SPATA22: variants seen among roughly 807,000 people sequenced by gnomAD.
The protein encoded by SPATA22 is spermatogenesis-associated protein 22.
Under a neutral mutation model 47.8 loss-of-function variants are expected in SPATA22, and 29 were observed. That is an observed-to-expected ratio of 0.61 (90% CI 0.45 to 0.83). The LOEUF (loss-of-function observed/expected upper bound fraction) is 0.83, where lower values mean the gene tolerates loss of function less well. Ranked by LOEUF, SPATA22 falls within the 40% of genes least tolerant of loss-of-function variation. The pLI is 0.00. For missense variants in SPATA22, 410 were observed against 421.7 expected (o/e 0.97, Z 0.24); for synonymous variants, 133 against 140.9 (o/e 0.94, Z 0.40).
At chr17:3,484,203 T>G (rs993925344) in intron 1 of SPATA22, among the ~76,000 whole-genome samples, 3 of 152,194 alleles carry the variant, frequency 2.0e-5, no homozygotes, top group African/African-American at 7.2e-5. Flanking sequence ...GAACTTTCCC[T>G]GACCCTCCTC....
chr17:3,480,628 C>T (rs563295684), intron 1 of SPATA22, among the ~76,000 whole-genome samples: 1 of 152,282 alleles, frequency 6.6e-6, no homozygotes, highest in South Asian at 2.1e-4. Flanking sequence ...CAGAATCTTG[C>T]GGCCCTCCAG....
At chr17:3,471,961 C>T (rs2073448997), upstream of SPATA22, 1 of 655,526 alleles carries the variant, frequency 1.5e-6, no homozygotes, top group East Asian at 1.4e-4. Context: ...ACTGTGGACC[C>T]AGGGATGGCT....
At chr17:3,462,791 A>G (rs546207254) in intron 3 of SPATA22, 24 bp from the exon 4 acceptor site, 38 of 1,553,616 alleles carry the variant, frequency 2.4e-5, no homozygotes, top group Admixed American at 2.0e-4. Flanking sequence ...AGTAACATAG[A>G]TAAAAGTAAG....
At chr17:3,472,933 GGAA>G (rs932771850), upstream of SPATA22, among the ~76,000 whole-genome samples, 2 of 152,102 alleles carry the variant, frequency 1.3e-5, no homozygotes, top group South Asian at 2.1e-4. Flanking sequence ...TTTTATTTTG[GGAA>G]GAAGAAGACT....
At chr17:3,466,700 AT>A (rs1422751472) in intron 3 of SPATA22, among the ~76,000 whole-genome samples, 1 of 152,224 alleles carries the variant, frequency 6.6e-6, no homozygotes, top group East Asian at 1.9e-4. Flanking sequence ...AATATGATAA[AT>A]GTATTTCTCA....
At chr17:3,448,699 T>C (rs1357292593) in intron 6 of SPATA22, 108 bp downstream of exon 6, 1 of 753,584 alleles carries the variant, frequency 1.3e-6, no homozygotes, top group Admixed American at 3.2e-5. Flanking sequence ...TCAAGTAATG[T>C]ATGTCATGGA....
At chr17:3,444,747 C>T (rs748466883) in intron 7 of SPATA22, among the ~76,000 whole-genome samples, 7 of 152,026 alleles carry the variant, frequency 4.6e-5, no homozygotes, top group Admixed American at 6.6e-5. Flanking sequence ...TTAAAATCCA[C>T]TAAAGTTGTT....
At chr17:3,450,917 C>G (rs568011679) in intron 5 of SPATA22, among the ~76,000 whole-genome samples, 113 of 152,294 alleles carry the variant, frequency 7.4e-4, no homozygotes, top group African/African-American at 2.6e-3. Context: ...AATCGACTTG[C>G]TCAATGCAGG....
At chr17:3,478,194 A>ATAT (rs1336526615) in intron 1 of SPATA22, among the ~76,000 whole-genome samples, 4 of 150,990 alleles carry the variant, frequency 2.6e-5, no homozygotes, top group African/African-American at 7.3e-5. Context: ...CAAAAAAAAA[A>ATAT]ATATATATAT....
rs2073669033 is a variant in SPATA22, at chr17:3,483,500, C to G, written c.-73-14102G>C. 1.9e-6 allele frequency: 3 copies of G among 1,613,750 alleles called. No homozygotes were observed. In the African/African-American group the frequency reaches 4.0e-5, roughly 22 times the overall value. ...AAAGACGTTTTTGATTTTTTTCAGA[C>G]TTCTCTGGCTCCACTACCCTGCTAC... is the stretch of plus-strand genomic sequence containing the variant. On this transcript the variant is annotated intron_variant, in intron 1 of 8. Transcript: ENST00000541913.
At chr17:3,482,327 A>G (rs561562024) in intron 1 of SPATA22, among the ~76,000 whole-genome samples, 8 of 152,330 alleles carry the variant, frequency 5.3e-5, no homozygotes, top group Admixed American at 4.6e-4. Flanking sequence ...TAGACACCCC[A>G]GAATACGTCT....
chr17:3,452,357 G>A (rs1292967095), intron 5 of SPATA22, among the ~76,000 whole-genome samples: 1 of 151,330 alleles, frequency 6.6e-6, no homozygotes, highest in Non-Finnish European at 1.5e-5. Flanking sequence ...ACTTTGGGAG[G>A]CCGAGGCAGG....
chr17:3,475,104 G>A (rs534101805), upstream of SPATA22, among the ~76,000 whole-genome samples: 11 of 152,150 alleles, frequency 7.2e-5, no homozygotes, highest in Non-Finnish European at 1.2e-4. Context: ...ACAACCTGGC[G>A]TTACTAGTAC....
intron 1 of SPATA22, among the ~76,000 whole-genome samples, chr17:3,489,503 A>G (rs2073785901): frequency 6.6e-6 from 1 of 152,238 alleles, no homozygotes; most frequent in Non-Finnish European, 1.5e-5. Context: ...ACATTCAAGA[A>G]AAGCAGCTGC....
chr17:3,444,912 T>C (rs1466429854), intron 7 of SPATA22, among the ~76,000 whole-genome samples: 1 of 152,010 alleles, frequency 6.6e-6, no homozygotes, highest in Non-Finnish European at 1.5e-5. Context: ...AAGCTAACCA[T>C]CACATATAAA....
intron 5 of SPATA22, among the ~76,000 whole-genome samples, chr17:3,449,868 T>C (rs1203821163): frequency 6.6e-6 from 1 of 152,066 alleles, no homozygotes; most frequent in Non-Finnish European, 1.5e-5. Context: ...TTTTTTTCTC[T>C]TGGAGACAGG....
chr17:3,456,769 C>T (rs1225291727), intron 5 of SPATA22, among the ~76,000 whole-genome samples: 1 of 151,728 alleles, frequency 6.6e-6, no homozygotes, highest in African/African-American at 2.4e-5. Flanking sequence ...AGACCAATAT[C>T]CTTGATGAAC....
At chr17:3,497,291 CG>C (rs1567618977) in intron 1 of SPATA22, among the ~76,000 whole-genome samples, 1 of 152,082 alleles carries the variant, frequency 6.6e-6, no homozygotes, top group African/African-American at 2.4e-5. Context: ...GAAAAACCAC[CG>C]GTTCAGAGAA....
At position 3,504,086 on chromosome 17, in the gene SPATA22, C is replaced by T. The variant is rs558288687; in HGVS notation, c.-74+9326G>A. ...CATAGACTGACTCCCCTACCCAGAA[C>T]TCTCCCCCACTGTCCTCCACCTCCC... is the stretch of plus-strand genomic sequence containing the variant. On this transcript the variant is annotated intron_variant, in intron 1 of 8. Transcript: ENST00000541913. Among the ~76,000 whole-genome samples the T allele has an allele frequency of 9.6e-4, 146 of 152,236 alleles. 1 individual carries two copies. Among genetic ancestry groups the T allele is most frequent in the African/African-American group, 3.4e-3 (143 of 41,528 alleles).
Sources: allele counts gnomAD v4.1 joint callset (sites outside exome capture counted in the v4.1 genomes callset), GRCh38; gene constraint gnomAD v4.1.1; transcripts MANE v1.5; gene names NCBI Gene and HGNC (gene_info 2026-07-23, HGNC 2026-07-21).